INVS: variants seen among roughly 807,000 people sequenced by gnomAD.
INVS encodes inversin.
INVS carries 86 observed loss-of-function variants against 108.8 expected under a neutral mutation model. That is an observed-to-expected ratio of 0.79 (90% CI 0.66 to 0.95). The LOEUF is 0.95. INVS is among the 40% of genes least tolerant of loss of function. The probability of loss-of-function intolerance (pLI) is 0.00; values close to 1 mark genes in which losing one functional copy is unlikely to be tolerated. For missense variants in INVS, 1,169 were observed against 1,297.4 expected, an observed-to-expected ratio of 0.90 and a Z score of 1.52; for synonymous variants, 455 against 473.5, an observed-to-expected ratio of 0.96 and a Z score of 0.51.
intron 12 of INVS, among the ~76,000 whole-genome samples, chr9:100,275,297 T>C (rs1833079888): frequency 1.3e-5 from 2 of 152,228 alleles, no homozygotes; most frequent in Admixed American, 6.5e-5. Flanking sequence ...GAATGTTGTA[T>C]TTCCTTCTAC....
intron 3 of INVS, among the ~76,000 whole-genome samples, chr9:100,224,012 A>G (rs1452421399): frequency 6.6e-6 from 1 of 152,200 alleles, no homozygotes; most frequent in Non-Finnish European, 1.5e-5. Context: ...CATACATAAA[A>G]TAGCACTAAC....
chr9:100,162,270 G>A (rs184011865), intron 3 of INVS, among the ~76,000 whole-genome samples: 25 of 152,142 alleles, frequency 1.6e-4, no homozygotes, highest in Admixed American at 1.3e-3. Context: ...CTGTTAATAC[G>A]AATAACATAA....
At chr9:100,256,210 T>C (rs1247814860) in intron 10 of INVS, among the ~76,000 whole-genome samples, 2 of 152,228 alleles carry the variant, frequency 1.3e-5, no homozygotes, top group Non-Finnish European at 2.9e-5. Context: ...ATAGAAGTGT[T>C]TATAGTATTC....
At chr9:100,251,467 C>G (rs1832234398) in intron 8 of INVS, among the ~76,000 whole-genome samples, 1 of 152,242 alleles carries the variant, frequency 6.6e-6, no homozygotes, top group African/African-American at 2.4e-5. Context: ...ACATGAAACA[C>G]ATTTAATCAA....
chr9:100,268,266 A>G (rs1053457475), intron 11 of INVS, among the ~76,000 whole-genome samples: 1 of 152,336 alleles, frequency 6.6e-6, no homozygotes, highest in East Asian at 1.9e-4. Flanking sequence ...CTGTGCTACA[A>G]GGGTTTGTGA....
At chr9:100,212,732 G>A (rs913075764) in intron 3 of INVS, among the ~76,000 whole-genome samples, 1 of 152,000 alleles carries the variant, frequency 6.6e-6, no homozygotes, top group Non-Finnish European at 1.5e-5. Flanking sequence ...ATTGTGGGTT[G>A]CTGTAATAAC....
chr9:100,217,078 G>T (rs1275985107), intron 3 of INVS, among the ~76,000 whole-genome samples: 1 of 152,150 alleles, frequency 6.6e-6, no homozygotes, highest in Non-Finnish European at 1.5e-5. Context: ...AGAGGCCGAG[G>T]TGAGTAGATC....
intron 13 of INVS, among the ~76,000 whole-genome samples, chr9:100,285,395 A>G (rs1833408118): frequency 6.6e-6 from 1 of 152,190 alleles, no homozygotes; most frequent in African/African-American, 2.4e-5. Context: ...GTTTAATATG[A>G]TGTGTCTTGG....
chr9:100,221,182 T>C (rs1458273469), intron 3 of INVS, among the ~76,000 whole-genome samples: 1 of 152,154 alleles, frequency 6.6e-6, no homozygotes, highest in Non-Finnish European at 1.5e-5. Flanking sequence ...TCAAATTAGC[T>C]TACTGCCTCA....
chr9:100,170,999 T>C (rs1477988678), intron 3 of INVS, among the ~76,000 whole-genome samples: 1 of 152,184 alleles, frequency 6.6e-6, no homozygotes, highest in Admixed American at 6.5e-5. Context: ...GGTGTTGTGG[T>C]GAAGAATGGC....
chr9:100,120,520 T>C (rs1008556536), intron 2 of INVS: 9 of 165,404 alleles, frequency 5.4e-5, no homozygotes, highest in African/African-American at 2.1e-4. Flanking sequence ...GGTTCAATTC[T>C]TGATTCATTC....
intron 5 of INVS, among the ~76,000 whole-genome samples, chr9:100,236,078 C>A (rs1318115943): frequency 1.3e-5 from 2 of 152,062 alleles, no homozygotes; most frequent in African/African-American, 4.8e-5. Flanking sequence ...TTTCTCTAAC[C>A]TTGTCTTCAT....
At position 100,239,541 on chromosome 9, in the gene INVS, G is replaced by A. The variant is rs191978931; in HGVS notation, c.616-519G>A. Among the ~76,000 whole-genome samples, 192 of 152,120 alleles carry A rather than the reference G, an allele frequency of 1.3e-3. 1 individual carries two copies. Among genetic ancestry groups the A allele is most frequent in the Non-Finnish European group, 2.1e-3 (142 of 67,986 alleles). ...TTAATCTAGATAATCAGTATGTAAT[G>A]GTTATATTATTTTCTGTACTTTTTA... is the stretch of plus-strand genomic sequence containing the variant. On this transcript the variant is annotated intron_variant, in intron 5 of 16. Coordinates refer to ENST00000262457, the MANE Select transcript of INVS (RefSeq NM_014425.5).
At chr9:100,237,991 G>T (rs1223876715) in intron 5 of INVS, among the ~76,000 whole-genome samples, 1 of 152,086 alleles carries the variant, frequency 6.6e-6, no homozygotes, top group Non-Finnish European at 1.5e-5. Flanking sequence ...TGATTCTCCT[G>T]CTTCATCCTC....
intron 3 of INVS, among the ~76,000 whole-genome samples, chr9:100,151,789 A>G (rs542207599): frequency 2.0e-5 from 3 of 152,188 alleles, no homozygotes; most frequent in African/African-American, 4.8e-5. Flanking sequence ...GATCATTTTC[A>G]CCAGATATGC....
At chr9:100,289,671 CAGT>C (rs1409153793) in intron 13 of INVS, among the ~76,000 whole-genome samples, 2 of 152,136 alleles carry the variant, frequency 1.3e-5, no homozygotes, top group Non-Finnish European at 2.9e-5. Flanking sequence ...TTTTGTTCTC[CAGT>C]AGGTTAGACT....
intron 12 of INVS, 66 bp from the exon 13 acceptor site, chr9:100,284,252 TCA>T (rs1300949520): frequency 1.3e-6 from 2 of 1,582,816 alleles, no homozygotes; most frequent in Non-Finnish European, 1.7e-6. Flanking sequence ...AAATTTAAAC[TCA>T]CACAGAGACT....
At chr9:100,267,188 C>G (rs1324780245) in intron 11 of INVS, among the ~76,000 whole-genome samples, 3 of 152,042 alleles carry the variant, frequency 2.0e-5, no homozygotes, top group Non-Finnish European at 4.4e-5. Flanking sequence ...ATATGCTAAA[C>G]CTTGAATATG....
At chr9:100,112,458 C>T (rs1377867481) in intron 2 of INVS, among the ~76,000 whole-genome samples, 4 of 152,044 alleles carry the variant, frequency 2.6e-5, no homozygotes, top group Admixed American at 6.6e-5. Flanking sequence ...TTATATAAGA[C>T]TTAGGAAGAT....
Sources: gnomAD v4.1 joint callset for allele counts (sites outside exome capture counted in the v4.1 genomes callset) on GRCh38, gnomAD v4.1.1 for gene constraint, MANE v1.5 for transcripts, NCBI Gene and HGNC (gene_info 2026-07-23, HGNC 2026-07-21) for gene names.